The following KCNMB2 variants were observed in gnomAD, a reference collection of about 807,000 sequenced individuals.
KCNMB2 encodes the protein calcium-activated potassium channel subunit beta-2.
In KCNMB2, 9 loss-of-function variants were observed where a neutral mutation model predicts 24.5. The observed-to-expected ratio is 0.37, with a 90% CI of 0.22 to 0.64. The LOEUF (loss-of-function observed/expected upper bound fraction) is 0.64. Among genes scored for constraint, KCNMB2 ranks in the 30% least tolerant of loss-of-function variants. The pLI is 0.63. For synonymous variants in KCNMB2, 109 were observed against 104.4 expected, an observed-to-expected ratio of 1.04 and a Z score of -0.27; for missense variants, 226 against 284.3, an observed-to-expected ratio of 0.79 and a Z score of 1.47.
chr3:178,580,216 A>C (rs974770152), intron 1 of KCNMB2, among the ~76,000 whole-genome samples: 2 of 152,232 alleles, frequency 1.3e-5, no homozygotes, highest in African/African-American at 4.8e-5. Context: ...GGTTGGTTCA[A>C]CATATGCAAA....
chr3:178,613,604 G>A (rs993206504), intron 1 of KCNMB2, among the ~76,000 whole-genome samples: 1 of 152,042 alleles, frequency 6.6e-6, no homozygotes, highest in African/African-American at 2.4e-5. Flanking sequence ...CACCAGATAC[G>A]CTACTCAAGG....
rs1719743611 is a variant in KCNMB2, at chr3:178,641,946, AT to A, written c.-68+105239del. Among the ~76,000 whole-genome samples, 10 of 152,020 alleles carry A rather than the reference AT, an allele frequency of 6.6e-5. No individual in the cohort carries two copies. In the South Asian group the frequency reaches 2.1e-3, roughly 32 times the overall value. On this transcript the variant is annotated intron_variant, in intron 1 of 4. Transcript: ENST00000452583. ...GTTTCTAAATTATGCTTATTTATCC[AT>A]TTTATTTTTATACCCTTAGTTTCTA... is the stretch of plus-strand genomic sequence containing the variant.
chr3:178,680,538 T>A (rs1721233133), intron 1 of KCNMB2, among the ~76,000 whole-genome samples: 1 of 152,242 alleles, frequency 6.6e-6, no homozygotes, highest in African/African-American at 2.4e-5. Flanking sequence ...TACATTTTAC[T>A]GAAAAAAGAA....
At chr3:178,593,365 C>T (rs1242357941) in intron 1 of KCNMB2, among the ~76,000 whole-genome samples, 1 of 152,024 alleles carries the variant, frequency 6.6e-6, no homozygotes, top group Non-Finnish European at 1.5e-5. Context: ...TCTACAGGGA[C>T]TAATCAAATG....
At chr3:178,750,211 C>T (rs1723796983) in intron 1 of KCNMB2, among the ~76,000 whole-genome samples, 1 of 131,584 alleles carries the variant, frequency 7.6e-6, no homozygotes, top group Non-Finnish European at 1.6e-5. Flanking sequence ...TAGTCAATAA[C>T]TTTGGCAAAA....
chr3:178,559,129 G>T (rs1452065473), intron 1 of KCNMB2: 1 of 152,196 alleles, frequency 6.6e-6, no homozygotes, highest in Non-Finnish European at 1.5e-5. Context: ...ATGATTACAT[G>T]ATGGAAAAGT....
rs190348279 is a variant in KCNMB2, at chr3:178,760,199, T to G, written c.-67-47144T>G. On this transcript the variant is annotated intron_variant, in intron 1 of 4. Coordinates refer to ENST00000452583, the MANE Select transcript of KCNMB2 (RefSeq NM_181361.3). ...CCAAGAGGATATATCTATATATATATATATATCCAAGAGGATATATCTATA... is the reference window on the plus strand; with the variant it reads ...CCAAGAGGATATATCTATATATATAGATATATCCAAGAGGATATATCTATA... 9.0e-3 allele frequency among the ~76,000 whole-genome samples: 176 copies of G among 19,580 alleles called. 17 individuals are homozygous for G. Among genetic ancestry groups the G allele is most frequent in the African/African-American group, 0.027 (81 of 3,054 alleles). The allele number at this position is 19,580 out of a possible 152,430, so 12.8% of individuals were successfully genotyped here. A position where few individuals can be genotyped will look rare whatever the true frequency, so the allele number is the denominator to read the frequency against.
chr3:178,625,411 G>A (rs562918192), intron 1 of KCNMB2, among the ~76,000 whole-genome samples: 98 of 152,298 alleles, frequency 6.4e-4, no homozygotes, highest in Admixed American at 3.9e-3. Flanking sequence ...GCTCCGGCCC[G>A]CCCCTAGGCC....
chr3:178,740,390 G>A (rs1043355676), intron 1 of KCNMB2, among the ~76,000 whole-genome samples: 3 of 152,114 alleles, frequency 2.0e-5, no homozygotes, highest in African/African-American at 4.8e-5. Flanking sequence ...AAAGTGCTGG[G>A]ATTACAGGCA....
At chr3:178,757,956 C>T (rs1349621124) in intron 1 of KCNMB2, among the ~76,000 whole-genome samples, 1 of 78,714 alleles carries the variant, frequency 1.3e-5, no homozygotes, top group African/African-American at 5.8e-5. Flanking sequence ...TATATAGACA[C>T]AAGAGGATAT....
At chr3:178,689,156 A>G (rs1721576641) in intron 1 of KCNMB2, among the ~76,000 whole-genome samples, 1 of 152,100 alleles carries the variant, frequency 6.6e-6, no homozygotes, top group Non-Finnish European at 1.5e-5. Flanking sequence ...CTATTGTTAT[A>G]GTGGATTTGT....
chr3:178,638,417 C>T (rs1223800426), intron 1 of KCNMB2, among the ~76,000 whole-genome samples: 2 of 152,118 alleles, frequency 1.3e-5, no homozygotes, highest in Non-Finnish European at 2.9e-5. Context: ...AGATTGCTTT[C>T]CCCATTATCT....
At chr3:178,673,991 T>C (rs1407836749) in intron 1 of KCNMB2, among the ~76,000 whole-genome samples, 1 of 152,214 alleles carries the variant, frequency 6.6e-6, no homozygotes, top group Non-Finnish European at 1.5e-5. Flanking sequence ...CCTCTACTTG[T>C]TAAACGAAAT....
At chr3:178,834,913 C>T (rs1488326623) in intron 4 of KCNMB2, among the ~76,000 whole-genome samples, 4 of 151,718 alleles carry the variant, frequency 2.6e-5, no homozygotes, top group Admixed American at 6.6e-5. Flanking sequence ...AGAAGAAAAG[C>T]GGGGGAAGGA....
chr3:178,802,704 T>A (rs963966972), intron 1 of KCNMB2, among the ~76,000 whole-genome samples: 3 of 152,168 alleles, frequency 2.0e-5, no homozygotes, highest in African/African-American at 7.2e-5. Context: ...CCAGTATTTT[T>A]TAAAATTCTT....
At chr3:178,842,458 G>A (rs1042499280) in intron 4 of KCNMB2, among the ~76,000 whole-genome samples, 195 bp from the exon 5 acceptor site, 1 of 152,018 alleles carries the variant, frequency 6.6e-6, no homozygotes, top group African/African-American at 2.4e-5. Context: ...GGGACATCTT[G>A]GTCAGATACC....
intron 1 of KCNMB2, among the ~76,000 whole-genome samples, chr3:178,662,155 T>C (rs560414133): frequency 7.9e-5 from 12 of 152,330 alleles, no homozygotes; most frequent in South Asian, 6.2e-4. Flanking sequence ...TGCTAAAGTA[T>C]TGAAATTATC....
intron 1 of KCNMB2, among the ~76,000 whole-genome samples, chr3:178,605,270 C>T (rs1443940295): frequency 2.0e-5 from 3 of 152,060 alleles, no homozygotes; most frequent in African/African-American, 7.2e-5. Context: ...CAGAAGATGA[C>T]CAGACACTAA....
chr3:178,711,461 C>T (rs1430864658), intron 1 of KCNMB2, among the ~76,000 whole-genome samples: 1 of 152,034 alleles, frequency 6.6e-6, no homozygotes, highest in Admixed American at 6.6e-5. Context: ...TGTGGCCTTG[C>T]GCTGTCTCTC....
Sources: allele counts gnomAD v4.1 joint callset (sites outside exome capture counted in the v4.1 genomes callset), GRCh38; gene constraint gnomAD v4.1.1; transcripts MANE v1.5; gene names NCBI Gene and HGNC (gene_info 2026-07-23, HGNC 2026-07-21).